PARD3B: variants seen among roughly 807,000 people sequenced by gnomAD.
PARD3B encodes the protein par-3 family cell polarity regulator beta, also known as partitioning defective 3 homolog B.
Under a neutral mutation model 130.2 loss-of-function variants are expected in PARD3B, and 103 were observed. That is an observed-to-expected ratio of 0.79 (90% CI 0.67 to 0.93). The LOEUF (loss-of-function observed/expected upper bound fraction) is 0.93. Among genes scored for constraint, PARD3B ranks in the 40% least tolerant of loss-of-function variants. The pLI, the probability that PARD3B is intolerant of heterozygous loss-of-function variation, is 0.00. For missense variants in PARD3B, 1,609 were observed against 1,499.2 expected (o/e 1.07, Z -1.21); for synonymous variants, 583 against 553.2 (o/e 1.05, Z -0.76).
chr2:205,255,662 C>G (rs185060651), intron 16 of PARD3B, among the ~76,000 whole-genome samples: 4 of 152,206 alleles, frequency 2.6e-5, no homozygotes, highest in African/African-American at 9.6e-5. Flanking sequence ...TCACAGAACT[C>G]AGGCAAATGA....
chr2:204,715,276 C>T (rs1377763489), intron 2 of PARD3B, among the ~76,000 whole-genome samples: 1 of 152,130 alleles, frequency 6.6e-6, no homozygotes, highest in African/African-American at 2.4e-5. Flanking sequence ...TATTTAATCT[C>T]AGTAAAGTTT....
chr2:204,859,089 T>C lies in PARD3B; in HGVS notation c.223-106063T>C, dbSNP rs866728609. On this transcript the variant is annotated intron_variant, in intron 2 of 22. Transcript: ENST00000406610. The stretch of plus-strand genomic sequence containing the variant: ...ATACTTTTACATGATGTTTATTAAA[T>C]ATAGTATGCTTCAAGGCAAAAAAAT... Among the ~76,000 whole-genome samples the C allele has an allele frequency of 1.4e-3, 208 of 152,146 alleles. 1 individual carries two copies. The highest frequency in any genetic ancestry group is 4.5e-3 in the African/African-American group (189 of 41,576).
At chr2:204,886,853 TCAGA>T (rs1265054278) in intron 2 of PARD3B, among the ~76,000 whole-genome samples, 2 of 152,202 alleles carry the variant, frequency 1.3e-5, no homozygotes, top group Admixed American at 6.5e-5. Flanking sequence ...TGAGGGATTG[TCAGA>T]CAGGTGGTGT....
rs1426730782 is a variant in PARD3B, at chr2:205,291,604, G to GT, written c.2186-8925dup. Among the ~76,000 whole-genome samples, 1 of 152,172 alleles carries GT rather than the reference G, an allele frequency of 6.6e-6. No homozygotes were observed. Among genetic ancestry groups the GT allele is most frequent in the Non-Finnish European group, 1.5e-5 (1 of 68,024 alleles). ...CTGATTTCTCTAAAATCCAGATAGC[G>GT]TATTTAATTAATGTAATTGTAGATA... On this transcript the variant is annotated intron_variant, in intron 16 of 22. Transcript: ENST00000406610. This position sits in a 1 kb window ranked among gnomAD's most constrained non-coding sequence, Gnocchi z 4.6.
Position 205,440,658 on chromosome 2 carries a change from G to T in PARD3B, c.3030G>T (p.Leu1010=). The T allele has an allele frequency of 1.9e-6, 3 of 1,612,844 alleles. No homozygotes were observed. The highest frequency in any genetic ancestry group is 1.1e-5 in the South Asian group (1 of 91,034). ...AGGTCAACAAGCCATACCATCCACTGGTTCCAGCTGACAGGTAATAAACTT... is the reference window on the plus strand; with the variant it reads ...AGGTCAACAAGCCATACCATCCACTTGTTCCAGCTGACAGGTAATAAACTT... ...YAKVNKPYHP[L]VPADSGRPTG... is the part of the protein sequence containing the mutation. Residue 1010 remains leucine (L), a synonymous_variant, in exon 20 of 23, where the codon CTG becomes CTT. Coordinates refer to ENST00000406610, the MANE Select transcript of PARD3B (RefSeq NM_001302769.2). The surrounding 1 kb of genome is among the most constrained non-coding windows in gnomAD (Gnocchi z 4.2).
intron 13 of PARD3B, among the ~76,000 whole-genome samples, chr2:205,181,197 G>C (rs1340801907): frequency 6.6e-6 from 1 of 151,978 alleles, no homozygotes; most frequent in African/African-American, 2.4e-5. Flanking sequence ...CTGTCTCTCT[G>C]GATCCGTATT....
chr2:204,630,835 G>T (rs2034653815), intron 1 of PARD3B, among the ~76,000 whole-genome samples: 1 of 152,006 alleles, frequency 6.6e-6, no homozygotes, highest in Non-Finnish European at 1.5e-5. Context: ...TTCTGATTGT[G>T]TTTATTTGAA....
chr2:205,453,598 C>T (rs191567045), intron 20 of PARD3B, among the ~76,000 whole-genome samples: 4 of 152,158 alleles, frequency 2.6e-5, no homozygotes, highest in Admixed American at 1.3e-4. Flanking sequence ...GATAATAAGT[C>T]GGCAGAGCTA....
chr2:205,275,521 T>A (rs1303499469), intron 16 of PARD3B, among the ~76,000 whole-genome samples: 1 of 152,094 alleles, frequency 6.6e-6, no homozygotes, highest in Non-Finnish European at 1.5e-5. Context: ...ATTTTATCTA[T>A]TGAAAATCAA....
rs567137688 is a variant in PARD3B at position 205,274,423 on chromosome 2, A to T, written c.2186-26107A>T. 6.9e-4 allele frequency among the ~76,000 whole-genome samples: 105 copies of T among 152,160 alleles called. No homozygotes were observed. Among genetic ancestry groups the T allele is most frequent in the African/African-American group, 2.4e-3 (101 of 41,564 alleles). On this transcript the variant is annotated intron_variant, in intron 16 of 22. Coordinates refer to ENST00000406610, the MANE Select transcript of PARD3B (RefSeq NM_001302769.2). This position sits in a 1 kb window ranked among gnomAD's most constrained non-coding sequence, Gnocchi z 4.2. ...TAACTTATATTGCAGTGACTTTAAT[A>T]TTACTGAGGAAGAAACCTGTAGTAA...
intron 4 of PARD3B, among the ~76,000 whole-genome samples, chr2:205,103,254 C>CAT (rs149583998): frequency 0.63 from 48,422 of 76,654 alleles, 15,855 homozygotes; most frequent in East Asian, 0.84. Context: ...ATGTAAAAAA[C>CAT]ATTTTATATT....
chr2:204,848,338 G>A (rs1391171245), intron 2 of PARD3B, among the ~76,000 whole-genome samples: 1 of 152,148 alleles, frequency 6.6e-6, no homozygotes, highest in Non-Finnish European at 1.5e-5. Flanking sequence ...TTAGAAGTTA[G>A]TAAGTGTAGG....
rs567486766 is a variant in PARD3B at position 205,416,942 on chromosome 2, T to C, written c.2741+15819T>C. On this transcript the variant is annotated intron_variant, in intron 19 of 22. Coordinates refer to ENST00000406610, the MANE Select transcript of PARD3B (RefSeq NM_001302769.2). ...CTTTCTTTTCTTTTCTTTTCTTTTT[T>C]ATTTTACTTTAAGTTCTAGGGTACA... 1.4e-4 allele frequency among the ~76,000 whole-genome samples: 21 copies of C among 152,290 alleles called. No homozygotes were observed. In the South Asian group the frequency reaches 4.4e-3, roughly 32 times the overall value.
At position 205,310,770 on chromosome 2, in the gene PARD3B, C is replaced by T. The variant is rs184325292; in HGVS notation, c.2630+9069C>T. On this transcript the variant is annotated intron_variant, in intron 18 of 22. Transcript: ENST00000406610. ...ACAGAGTCTCACTCTGTCATCCAGG[C>T]TGGAGTGCAGTGGTGTGATCACAGC... 2.6e-3 allele frequency among the ~76,000 whole-genome samples: 312 copies of T among 119,782 alleles called. 3 individuals carry two copies. The East Asian group carries it at 0.032, about 12-fold the overall frequency. 78.6% of individuals were successfully genotyped at this position (119,782 alleles called of 152,430 possible).
chr2:205,005,190 CAG>C lies in PARD3B; in HGVS notation c.394+39873_394+39874del, dbSNP rs1350136749. 1.3e-4 allele frequency among the ~76,000 whole-genome samples: 20 copies of C among 151,966 alleles called. No homozygotes were observed. The East Asian group carries it at 3.9e-3, about 29-fold the overall frequency. On this transcript the variant is annotated intron_variant, in intron 3 of 22. Coordinates refer to ENST00000406610, the MANE Select transcript of PARD3B (RefSeq NM_001302769.2). ...GTATACACACACACACATATACACACAGAGAGAAAGTATACACACATGTACAC... is the reference window on the plus strand; with the variant it reads ...GTATACACACACACACATATACACACAGAGAAAGTATACACACATGTACAC...
chr2:204,683,235 TAG>T (rs1049454586), intron 1 of PARD3B, among the ~76,000 whole-genome samples: 9 of 152,158 alleles, frequency 5.9e-5, no homozygotes, highest in Non-Finnish European at 1.3e-4. Flanking sequence ...ACACATATAT[TAG>T]AGATATTTTC....
intron 2 of PARD3B, among the ~76,000 whole-genome samples, chr2:204,706,791 C>T (rs185191099): frequency 1.3e-5 from 2 of 152,188 alleles, no homozygotes; most frequent in East Asian, 1.9e-4. Context: ...TACTAAGTAA[C>T]ACTCCTCATA....
At chr2:204,793,973 A>AT (rs2042283063) in intron 2 of PARD3B, among the ~76,000 whole-genome samples, 1 of 152,246 alleles carries the variant, frequency 6.6e-6, no homozygotes, top group Admixed American at 6.5e-5. Flanking sequence ...GCACTTTATT[A>AT]TAGGGCCTTG....
In PARD3B at chr2:204,887,435, C is replaced by T. The variant is rs527237306; in HGVS notation, c.223-77717C>T. Among the ~76,000 whole-genome samples, 1 of 152,302 alleles carries T rather than the reference C, an allele frequency of 6.6e-6. No individual in the cohort carries two copies. The highest frequency in any genetic ancestry group is 1.9e-4 in the East Asian group (1 of 5,178). Reference sequence around the variant, plus strand: ...TGGTGATAGCTGTTCATCCAGACTGCAGCCCAGTCACTTTCGAGATAGCCT... The same window carrying T: ...TGGTGATAGCTGTTCATCCAGACTGTAGCCCAGTCACTTTCGAGATAGCCT... On this transcript the variant is annotated intron_variant, in intron 2 of 22. Transcript: ENST00000406610. This position sits in a 1 kb window ranked among gnomAD's most constrained non-coding sequence, Gnocchi z 4.2.
Sources: allele counts gnomAD v4.1 joint callset (sites outside exome capture counted in the v4.1 genomes callset), GRCh38; gene constraint gnomAD v4.1.1; non-coding constraint Gnocchi (gnomAD v3.1); transcripts MANE v1.5; gene names NCBI Gene and HGNC (gene_info 2026-07-23, HGNC 2026-07-21).